Variants in VSTM4 observed in about 807,000 individuals in gnomAD.
The protein encoded by VSTM4 is V-set and transmembrane domain-containing protein 4.
VSTM4 carries 20 observed loss-of-function variants against 36.4 expected under a neutral mutation model. That is an observed-to-expected ratio of 0.55 (90% CI 0.39 to 0.80). VSTM4 has a LOEUF of 0.80. VSTM4 is among the 30% of genes least tolerant of loss of function. The probability of loss-of-function intolerance (pLI) is 0.00; values close to 1 mark genes in which losing one functional copy is unlikely to be tolerated. For synonymous variants in VSTM4, 182 were observed against 173.9 expected, an observed-to-expected ratio of 1.05 and a Z score of -0.37; for missense variants, 392 against 404.5, an observed-to-expected ratio of 0.97 and a Z score of 0.26.
At chr10:49,048,385 T>A in intron 6 of VSTM4, 93 bp downstream of exon 6, 1 of 1,140,418 alleles carries the variant, frequency 8.8e-7, no homozygotes, top group Non-Finnish European at 1.2e-6. Flanking sequence ...CCCATCTGCC[T>A]ACGCTCCCTG....
intron 7 of VSTM4, among the ~76,000 whole-genome samples, chr10:49,044,840 C>G (rs778379589): frequency 6.6e-6 from 1 of 152,184 alleles, no homozygotes; most frequent in African/African-American, 2.4e-5. Context: ...ACCATTCATA[C>G]TTATGTCTAT....
chr10:49,053,918 G>T (rs1313076742), intron 5 of VSTM4, among the ~76,000 whole-genome samples: 1 of 152,212 alleles, frequency 6.6e-6, no homozygotes, highest in African/African-American at 2.4e-5. Context: ...AGGCAAAGCA[G>T]CCAACCTAGA....
intron 5 of VSTM4, among the ~76,000 whole-genome samples, chr10:49,060,198 GC>G (rs1283105142): frequency 6.6e-6 from 1 of 152,228 alleles, no homozygotes; most frequent in African/African-American, 2.4e-5. Context: ...TGAGATATAT[GC>G]TTTCAGTTCT....
chr10:49,070,978 T>TG (rs1395336854), intron 4 of VSTM4, among the ~76,000 whole-genome samples: 2 of 152,234 alleles, frequency 1.3e-5, no homozygotes, highest in African/African-American at 4.8e-5. Flanking sequence ...GTGGGTGGGA[T>TG]GTAACCTCCA....
At chr10:49,059,331 A>T (rs1187311665) in intron 5 of VSTM4, among the ~76,000 whole-genome samples, 1 of 152,228 alleles carries the variant, frequency 6.6e-6, no homozygotes, top group East Asian at 1.9e-4. Context: ...CCAACCTGAC[A>T]GTGCCCAGCA....
intron 2 of VSTM4, among the ~76,000 whole-genome samples, chr10:49,105,165 GAGAC>G (rs1460357179): frequency 6.8e-6 from 1 of 147,970 alleles, no homozygotes; most frequent in African/African-American, 2.5e-5. Flanking sequence ...GACAAAGAGA[GAGAC>G]AGAAGGAGAA....
chr10:49,063,484 G>A (rs138359484), intron 5 of VSTM4, among the ~76,000 whole-genome samples: 94 of 152,272 alleles, frequency 6.2e-4, no homozygotes, highest in Non-Finnish European at 1.1e-3. Context: ...ATAGTAGCTT[G>A]TCAGAAGGTC....
At chr10:49,021,265 A>C (rs980180349) in intron 7 of VSTM4, among the ~76,000 whole-genome samples, 1 of 152,112 alleles carries the variant, frequency 6.6e-6, no homozygotes, top group Admixed American at 6.5e-5. Context: ...ATGAATTAAA[A>C]ATTTTAATGT....
intron 2 of VSTM4, among the ~76,000 whole-genome samples, chr10:49,091,608 G>T (rs1286298132): frequency 6.6e-6 from 1 of 152,114 alleles, no homozygotes; most frequent in East Asian, 1.9e-4. Context: ...CTTCCCTGGG[G>T]AGGGCATGTT....
At chr10:49,050,017 T>G (rs1376032351) in intron 5 of VSTM4, among the ~76,000 whole-genome samples, 1 of 152,024 alleles carries the variant, frequency 6.6e-6, no homozygotes, top group African/African-American at 2.4e-5. Context: ...ATTACAGCAC[T>G]GTTTATAATA....
At chr10:49,042,451 G>A (rs938230862) in intron 7 of VSTM4, among the ~76,000 whole-genome samples, 1 of 152,246 alleles carries the variant, frequency 6.6e-6, no homozygotes, top group African/African-American at 2.4e-5. Flanking sequence ...AAGGACAGGA[G>A]CAAGGCTGAG....
At chr10:49,051,085 G>A (rs761514695) in intron 5 of VSTM4, among the ~76,000 whole-genome samples, 1 of 152,118 alleles carries the variant, frequency 6.6e-6, no homozygotes, top group Non-Finnish European at 1.5e-5. Context: ...TCACCTTAGG[G>A]TTCACTCTTG....
At chr10:49,028,877 T>C (rs1046349993) in intron 7 of VSTM4, among the ~76,000 whole-genome samples, 2 of 152,192 alleles carry the variant, frequency 1.3e-5, no homozygotes, top group Non-Finnish European at 2.9e-5. Flanking sequence ...CATCTTAGAG[T>C]TTAAAAATGT....
intron 7 of VSTM4, among the ~76,000 whole-genome samples, chr10:49,036,813 T>A (rs1000094744): frequency 6.6e-6 from 1 of 152,236 alleles, no homozygotes. Context: ...GGCCACACTA[T>A]GGTTTTCAAC....
chr10:49,078,667 A>G (rs911257767), intron 3 of VSTM4, among the ~76,000 whole-genome samples: 5 of 152,190 alleles, frequency 3.3e-5, no homozygotes, highest in Admixed American at 6.5e-5. Flanking sequence ...GTGAGAAGAA[A>G]ATGGGTTTGG....
intron 1 of VSTM4, among the ~76,000 whole-genome samples, chr10:49,112,164 C>A (rs1044520352): frequency 6.6e-6 from 1 of 152,166 alleles, no homozygotes; most frequent in African/African-American, 2.4e-5. Flanking sequence ...TCCCCAAGGC[C>A]ACTTTTTGAA....
intron 1 of VSTM4, 69 bp from the exon 2 acceptor site, chr10:49,108,064 G>A (rs770044331): frequency 3.1e-4 from 459 of 1,471,260 alleles, no homozygotes; most frequent in Non-Finnish European, 3.9e-4. Context: ...GTCCACAGTC[G>A]AGGAGCCAGG....
chr10:49,105,799 A>G (rs1251241242), intron 2 of VSTM4, among the ~76,000 whole-genome samples: 1 of 152,046 alleles, frequency 6.6e-6, no homozygotes, highest in Non-Finnish European at 1.5e-5. Flanking sequence ...AAACACCAAA[A>G]ACAACACAAT....
At chr10:49,113,369 TC>T (rs1451538608) in intron 1 of VSTM4, among the ~76,000 whole-genome samples, 2 of 152,134 alleles carry the variant, frequency 1.3e-5, no homozygotes, top group Non-Finnish European at 2.9e-5. Flanking sequence ...TGAAAATAGC[TC>T]CATCCAGGAT....
Sources: gnomAD v4.1 joint callset for allele counts (sites outside exome capture counted in the v4.1 genomes callset) on GRCh38, gnomAD v4.1.1 for gene constraint, MANE v1.5 for transcripts, NCBI Gene and HGNC (gene_info 2026-07-23, HGNC 2026-07-21) for gene names.